The following RAP1GAP2 variants were observed in gnomAD, a reference collection of about 807,000 sequenced individuals.
RAP1GAP2 encodes the protein rap1 GTPase-activating protein 2.
In RAP1GAP2, 27 loss-of-function variants were observed where a neutral mutation model predicts 95.0. The observed-to-expected ratio is 0.28, with a 90% CI of 0.21 to 0.39. The LOEUF (loss-of-function observed/expected upper bound fraction) is 0.39, where lower values mean the gene tolerates loss of function less well. Ranked by LOEUF, RAP1GAP2 falls within the 10% of genes least tolerant of loss-of-function variation. The pLI, the probability that RAP1GAP2 is intolerant of heterozygous loss-of-function variation, is 1.00. For missense variants in RAP1GAP2, 771 were observed against 970.0 expected (o/e 0.79, Z 2.72); for synonymous variants, 373 against 380.9 (o/e 0.98, Z 0.24).
chr17:2,920,010 C>CTTT (rs34848214), intron 3 of RAP1GAP2, among the ~76,000 whole-genome samples: 147 of 116,976 alleles, frequency 1.3e-3, no homozygotes, highest in Middle Eastern at 3.9e-3. Context: ...CTCCTTTTTT[C>CTTT]TTTTTTTTTT....
At position 2,969,183 on chromosome 17, in the gene RAP1GAP2, A is replaced by ATCTATCTATCTATCTATCTATC. The variant is rs1309428763; in HGVS notation, c.596+3541_596+3542insCTATCTATCTATCTATCTATCT. On this transcript the variant is annotated intron_variant, in intron 8 of 24. Coordinates refer to ENST00000254695, the MANE Select transcript of RAP1GAP2 (RefSeq NM_015085.5). ...TTTCTTTATCTATCTATCTATCTAT[A>ATCTATCTATCTATCTATCTATC]TATATATATATCTGTTTCTGTATCT... Among the ~76,000 whole-genome samples, 218 of 73,214 alleles carry ATCTATCTATCTATCTATCTATC rather than the reference A, an allele frequency of 3.0e-3. 1 individual carries two copies. Among genetic ancestry groups the ATCTATCTATCTATCTATCTATC allele is most frequent in the Middle Eastern group, 7.1e-3 (1 of 140 alleles). 48.0% of individuals were successfully genotyped at this position (73,214 alleles called of 152,430 possible).
At chr17:2,954,331 C>T (rs1191313572) in intron 3 of RAP1GAP2, among the ~76,000 whole-genome samples, 1 of 151,896 alleles carries the variant, frequency 6.6e-6, no homozygotes, top group Non-Finnish European at 1.5e-5. Flanking sequence ...GTCTCGATCT[C>T]CTGACCTCGT....
At chr17:2,800,796 T>C (rs1272143714) in intron 2 of RAP1GAP2, among the ~76,000 whole-genome samples, 2 of 151,930 alleles carry the variant, frequency 1.3e-5, no homozygotes, top group Non-Finnish European at 2.9e-5. Context: ...GTGTAGCAGG[T>C]GTAACATTCA....
rs115165674 is a variant in RAP1GAP2 at position 2,902,194 on chromosome 17, G to A, written c.81-3090G>A. On this transcript the variant is annotated intron_variant, in intron 2 of 24. Transcript: ENST00000254695. The surrounding 1 kb of genome is among the most constrained non-coding windows in gnomAD (Gnocchi z 4.1). ...AGAACACGGGGCATTCTCACTGTGT[G>A]TTTCTTCACATTGTTGCCTTCCCTT... 2.3e-3 allele frequency among the ~76,000 whole-genome samples: 343 copies of A among 151,936 alleles called. 1 individual carries two copies. The highest frequency in any genetic ancestry group is 8.1e-3 in the African/African-American group (335 of 41,404).
intron 2 of RAP1GAP2, among the ~76,000 whole-genome samples, chr17:2,849,274 C>T (rs58814023): frequency 0.14 from 20,864 of 152,148 alleles, 1,833 homozygotes; most frequent in African/African-American, 0.25. Context: ...TGGCCCCCCT[C>T]GCCCCCACCC....
rs551765110 is a variant in RAP1GAP2, at chr17:2,797,957, G to A, written c.44+1386G>A. Reference sequence around the variant, plus strand: ...GGAAGGCTGGTCGCCAGAAAGCTCCGGGTGCACAGGTCCCGGTCTCAGCCT... The same window carrying A: ...GGAAGGCTGGTCGCCAGAAAGCTCCAGGTGCACAGGTCCCGGTCTCAGCCT... On this transcript the variant is annotated intron_variant, in intron 1 of 24. Coordinates refer to ENST00000254695, the MANE Select transcript of RAP1GAP2 (RefSeq NM_015085.5). This position sits in a 1 kb window ranked among gnomAD's most constrained non-coding sequence, Gnocchi z 5.6. Among the ~76,000 whole-genome samples the A allele has an allele frequency of 3.3e-5, 5 of 152,242 alleles. No individual in the cohort carries two copies. The East Asian group carries it at 7.7e-4, about 24-fold the overall frequency.
chr17:3,026,258 C>A (rs114828666), intron 20 of RAP1GAP2, 92 bp from the exon 21 acceptor site: 2 of 1,311,228 alleles, frequency 1.5e-6, no homozygotes, highest in Non-Finnish European at 2.1e-6. Flanking sequence ...CGGGTGGGGG[C>A]GTGGGGAGCC....
intron 17 of RAP1GAP2, among the ~76,000 whole-genome samples, chr17:3,017,031 CT>C (rs2046791310): frequency 6.6e-6 from 1 of 152,242 alleles, no homozygotes; most frequent in Admixed American, 6.5e-5. Flanking sequence ...CTTTGAAGGC[CT>C]TTGGAGCCAG....
At chr17:2,835,250 C>T (rs928647469) in intron 2 of RAP1GAP2, among the ~76,000 whole-genome samples, 5 of 151,696 alleles carry the variant, frequency 3.3e-5, no homozygotes, top group East Asian at 1.9e-4. Context: ...GATGGAGTCT[C>T]GCTCTGTCAC....
upstream of RAP1GAP2, among the ~76,000 whole-genome samples, chr17:2,773,435 C>A (rs555357147): frequency 1.6e-4 from 25 of 152,276 alleles, no homozygotes; most frequent in Non-Finnish European, 3.1e-4. Context: ...CAGGTCCTTG[C>A]AGATGACACA....
At chr17:2,795,969 C>G (rs1295471877), upstream of RAP1GAP2, among the ~76,000 whole-genome samples, 2 of 152,134 alleles carry the variant, frequency 1.3e-5, no homozygotes, top group African/African-American at 4.8e-5. Flanking sequence ...TGCATGTATA[C>G]TTACATCCAC....
At chr17:3,019,972 C>T (rs1326494171) in intron 18 of RAP1GAP2, among the ~76,000 whole-genome samples, 1 of 152,250 alleles carries the variant, frequency 6.6e-6, no homozygotes, top group East Asian at 1.9e-4. Flanking sequence ...GGCCCTGGCT[C>T]TGCGGCTCTC....
intron 1 of RAP1GAP2, among the ~76,000 whole-genome samples, chr17:2,781,773 T>G: frequency 6.6e-6 from 1 of 150,746 alleles, no homozygotes; most frequent in Non-Finnish European, 1.5e-5. Context: ...TGCACGTCTG[T>G]GTGTGCACGT....
At position 2,849,998 on chromosome 17, in the gene RAP1GAP2, G is replaced by GTTT. The variant is rs1363363543; in HGVS notation, c.80+49448_80+49449insTTT. Among the ~76,000 whole-genome samples, 253 of 136,094 alleles carry GTTT rather than the reference G, an allele frequency of 1.9e-3. 34 individuals are homozygous for GTTT. The highest frequency in any genetic ancestry group is 1.8e-3 in the Admixed American group (23 of 13,050). 89.3% of individuals were successfully genotyped at this position (136,094 alleles called of 152,430 possible). ...GTGTCACTAACACCTAACACTGCCT[G>GTTT]CTTTTTTTTTTTTTTTTTTTGAGAT... is the stretch of plus-strand genomic sequence containing the variant. On this transcript the variant is annotated intron_variant, in intron 2 of 24. Coordinates refer to ENST00000254695, the MANE Select transcript of RAP1GAP2 (RefSeq NM_015085.5).
At chr17:2,845,244 G>GTGAT in intron 2 of RAP1GAP2, among the ~76,000 whole-genome samples, 1 of 152,194 alleles carries the variant, frequency 6.6e-6, no homozygotes, top group African/African-American at 2.4e-5. Flanking sequence ...CCGGGTTCAA[G>GTGAT]TGATTCTCCT....
intron 2 of RAP1GAP2, among the ~76,000 whole-genome samples, chr17:2,802,630 G>A (rs774437016): frequency 3.9e-5 from 6 of 152,182 alleles, no homozygotes; most frequent in Non-Finnish European, 5.9e-5. Context: ...AGAATTGCTT[G>A]AACCTGGGAG....
rs950250015 is a variant in RAP1GAP2 at position 2,857,608 on chromosome 17, T to C, written c.81-47676T>C. Among the ~76,000 whole-genome samples the C allele has an allele frequency of 6.6e-6, 1 of 152,144 alleles. No individual in the cohort carries two copies. Among genetic ancestry groups the C allele is most frequent in the Non-Finnish European group, 1.5e-5 (1 of 68,022 alleles). On this transcript the variant is annotated intron_variant, in intron 2 of 24. Transcript: ENST00000254695. This position sits in a 1 kb window ranked among gnomAD's most constrained non-coding sequence, Gnocchi z 4.0. ...GGGATCCTGTAAAAGCAGTGGCGTG[T>C]CTGAGAGGGGATTGGGTTTGAGTAT...
chr17:3,024,329 C>T (rs369361272), intron 19 of RAP1GAP2, among the ~76,000 whole-genome samples: 34 of 152,282 alleles, frequency 2.2e-4, no homozygotes, highest in African/African-American at 8.2e-4. Context: ...TTAGCAACCT[C>T]ATCAAATGTG....
chr17:2,758,156 A>G lies in RAP1GAP2; in HGVS notation c.50+2389A>G, dbSNP rs936047393. On this transcript the variant is annotated intron_variant, in intron 1 of 25. Coordinates refer to the RAP1GAP2 transcript ENST00000637138. ...AGTGCTGGGATTACAGGCGTGAGCC[A>G]CCACGCCTGGCCACGCCCCCCCCCC... Among the ~76,000 whole-genome samples, 8 of 141,800 alleles carry G rather than the reference A, an allele frequency of 5.6e-5. No homozygotes were observed. In the East Asian group the frequency reaches 6.2e-4, roughly 11 times the overall value. 93.0% of individuals were successfully genotyped at this position (141,800 alleles called of 152,430 possible). A position where few individuals can be genotyped will look rare whatever the true frequency, so the allele number is the denominator to read the frequency against.
Sources: allele counts gnomAD v4.1 joint callset (sites outside exome capture counted in the v4.1 genomes callset), GRCh38; gene constraint gnomAD v4.1.1; non-coding constraint Gnocchi (gnomAD v3.1); transcripts MANE v1.5; gene names NCBI Gene and HGNC (gene_info 2026-07-23, HGNC 2026-07-21).